The following CNTNAP2 variants were observed in gnomAD, a reference collection of about 807,000 sequenced individuals.
CNTNAP2 encodes contactin associated protein 2.
CNTNAP2 carries 98 observed loss-of-function variants against 155.2 expected under a neutral mutation model. The ratio of observed to expected loss-of-function variants is 0.63; its 90% confidence interval spans 0.54 to 0.75. CNTNAP2 has a LOEUF of 0.75. Among genes scored for constraint, CNTNAP2 ranks in the 30% least tolerant of loss-of-function variants. The pLI is 0.00. For missense variants in CNTNAP2, 1,727 were observed against 1,688.1 expected (o/e 1.02, Z -0.40); for synonymous variants, 651 against 631.2 (o/e 1.03, Z -0.47).
At chr7:146,693,423 ATG>A (rs1265021141) in intron 1 of CNTNAP2, among the ~76,000 whole-genome samples, 3 of 151,824 alleles carry the variant, frequency 2.0e-5, no homozygotes, top group East Asian at 3.9e-4. Flanking sequence ...TACTCTCTAT[ATG>A]TGTTTTGAGG....
intron 1 of CNTNAP2, among the ~76,000 whole-genome samples, chr7:146,292,792 A>G (rs1172144528): frequency 6.6e-6 from 1 of 152,192 alleles, no homozygotes; most frequent in Non-Finnish European, 1.5e-5. Flanking sequence ...CAAATACGTT[A>G]TACTCTCACG....
chr7:146,376,137 C>CTA (rs1795300160), intron 1 of CNTNAP2, among the ~76,000 whole-genome samples: 1 of 152,164 alleles, frequency 6.6e-6, no homozygotes, highest in African/African-American at 2.4e-5. Flanking sequence ...AAAAACAAAA[C>CTA]TATAAGAGCG....
At chr7:147,762,851 A>G (rs1797326501) in intron 13 of CNTNAP2, among the ~76,000 whole-genome samples, 1 of 151,968 alleles carries the variant, frequency 6.6e-6, no homozygotes, top group South Asian at 2.1e-4. Flanking sequence ...GAATTTTTCT[A>G]GTCTGAACCT....
intron 1 of CNTNAP2, among the ~76,000 whole-genome samples, chr7:146,666,969 G>C (rs1800206023): frequency 6.6e-6 from 1 of 152,080 alleles, no homozygotes; most frequent in African/African-American, 2.4e-5. Context: ...TTGCTGTGCA[G>C]AAGCTTTTTA....
chr7:146,495,552 A>ATT (rs57676970), intron 1 of CNTNAP2, among the ~76,000 whole-genome samples: 122 of 133,436 alleles, frequency 9.1e-4, no homozygotes, highest in East Asian at 2.7e-3. Flanking sequence ...CTAACAGGTC[A>ATT]TTTTTTTTTT....
At chr7:147,334,392 G>A (rs1795629413) in intron 9 of CNTNAP2, among the ~76,000 whole-genome samples, 1 of 152,172 alleles carries the variant, frequency 6.6e-6, no homozygotes, top group African/African-American at 2.4e-5. Context: ...ACTGTTGACT[G>A]TAGTTCTTCC....
chr7:146,638,883 C>T (rs113513922), intron 1 of CNTNAP2, among the ~76,000 whole-genome samples: 129 of 152,182 alleles, frequency 8.5e-4, no homozygotes, highest in African/African-American at 2.9e-3. Flanking sequence ...ACCTAGATGG[C>T]GGATCCTACT....
chr7:147,840,609 A>C (rs1798712803), intron 13 of CNTNAP2, among the ~76,000 whole-genome samples: 1 of 152,226 alleles, frequency 6.6e-6, no homozygotes, highest in Non-Finnish European at 1.5e-5. Flanking sequence ...GATCTTAAGT[A>C]GGAAGTGGAC....
chr7:147,922,952 G>A (rs1345576864), intron 14 of CNTNAP2, among the ~76,000 whole-genome samples: 1 of 151,532 alleles, frequency 6.6e-6, no homozygotes, highest in East Asian at 2.0e-4. Flanking sequence ...TTAGTCAAGT[G>A]TCCAGGTTAT....
At chr7:146,600,353 A>G (rs1798931295) in intron 1 of CNTNAP2, among the ~76,000 whole-genome samples, 1 of 152,178 alleles carries the variant, frequency 6.6e-6, no homozygotes, top group Non-Finnish European at 1.5e-5. Flanking sequence ...TTTTGTTCTC[A>G]TTAGTACCCA....
chr7:146,330,409 G>A (rs112433938), intron 1 of CNTNAP2, among the ~76,000 whole-genome samples: 3,241 of 152,156 alleles, frequency 0.021, 110 homozygotes, highest in African/African-American at 0.07. Flanking sequence ...TTTTTTGAAG[G>A]TGGTGATATG....
intron 8 of CNTNAP2, among the ~76,000 whole-genome samples, chr7:147,190,202 C>T (rs186843300): frequency 1.2e-4 from 18 of 152,290 alleles, no homozygotes; most frequent in Admixed American, 1.2e-3. Flanking sequence ...GACCATTTCA[C>T]TGCACCTCAG....
chr7:147,511,815 C>A (rs1339922694), intron 11 of CNTNAP2, among the ~76,000 whole-genome samples: 1 of 152,108 alleles, frequency 6.6e-6, no homozygotes, highest in Non-Finnish European at 1.5e-5. Context: ...CCATTCTGGG[C>A]TGATTGTCCC....
intron 1 of CNTNAP2, among the ~76,000 whole-genome samples, chr7:146,629,664 T>C (rs192652966): frequency 6.6e-6 from 1 of 152,262 alleles, no homozygotes; most frequent in African/African-American, 2.4e-5. Flanking sequence ...TTATTACTAG[T>C]TACTAGAACT....
intron 12 of CNTNAP2, among the ~76,000 whole-genome samples, chr7:147,580,455 T>C (rs1800477423): frequency 6.6e-6 from 1 of 152,208 alleles, no homozygotes; most frequent in African/African-American, 2.4e-5. Context: ...GACTTATGTT[T>C]TGACAGTCCA....
intron 15 of CNTNAP2, among the ~76,000 whole-genome samples, chr7:148,018,657 C>G (rs4726908): frequency 0.38 from 57,313 of 152,056 alleles, 11,479 homozygotes; most frequent in African/African-American, 0.52. Flanking sequence ...CAAAAGTGAC[C>G]GGGATCAAGG....
chr7:148,150,962 C>T (rs1179545676), intron 17 of CNTNAP2, among the ~76,000 whole-genome samples: 1 of 152,106 alleles, frequency 6.6e-6, no homozygotes, highest in African/African-American at 2.4e-5. Context: ...TCAAGTGATC[C>T]TTCCACCTCA....
chr7:148,218,525 G>T (rs1241748298), intron 19 of CNTNAP2, among the ~76,000 whole-genome samples: 1 of 151,912 alleles, frequency 6.6e-6, no homozygotes, highest in Admixed American at 6.6e-5. Context: ...CCAAGTAGCC[G>T]GGATCACAGG....
chr7:147,402,067 C>A (rs1415851472), intron 10 of CNTNAP2, among the ~76,000 whole-genome samples: 1 of 152,224 alleles, frequency 6.6e-6, no homozygotes, highest in Non-Finnish European at 1.5e-5. Flanking sequence ...TTCCCTATTT[C>A]TAGTCAGTAG....
Sources: allele counts gnomAD v4.1 joint callset (sites outside exome capture counted in the v4.1 genomes callset), GRCh38; gene constraint gnomAD v4.1.1; transcripts MANE v1.5; gene names NCBI Gene and HGNC (gene_info 2026-07-23, HGNC 2026-07-21).